Variants in FBXW4 observed in about 807,000 individuals in gnomAD.
FBXW4 encodes F-box and WD repeat domain containing 4.
In FBXW4, 40 loss-of-function variants were observed where a neutral mutation model predicts 61.8. The ratio of observed to expected loss-of-function variants is 0.65; its 90% CI spans 0.50 to 0.84. The LOEUF is 0.84. Ranked by LOEUF, FBXW4 falls within the 40% of genes least tolerant of loss-of-function variation. The probability of loss-of-function intolerance (pLI) is 0.00; values close to 1 mark genes in which losing one functional copy is unlikely to be tolerated. For synonymous variants in FBXW4, 311 were observed against 313.8 expected, an observed-to-expected ratio of 0.99 and a Z score of 0.10; for missense variants, 672 against 753.8, an observed-to-expected ratio of 0.89 and a Z score of 1.27.
chr10:101,635,700 G>A (rs1334351524), intron 5 of FBXW4, among the ~76,000 whole-genome samples: 2 of 152,096 alleles, frequency 1.3e-5, no homozygotes, highest in Non-Finnish European at 2.9e-5. Context: ...GCTGAGTGTG[G>A]TGGCATGCAC....
intron 6 of FBXW4, among the ~76,000 whole-genome samples, chr10:101,624,144 A>C (rs1200978489): frequency 6.6e-6 from 1 of 152,152 alleles, no homozygotes; most frequent in Non-Finnish European, 1.5e-5. Flanking sequence ...ATAAAGGTCC[A>C]TGGATGGTAC....
chr10:101,650,167 G>A (rs867482716), intron 5 of FBXW4, among the ~76,000 whole-genome samples: 3 of 152,202 alleles, frequency 2.0e-5, no homozygotes, highest in African/African-American at 7.2e-5. Flanking sequence ...ACAGAAGACA[G>A]CCTGCTCATT....
In FBXW4 at chr10:101,673,496, A is replaced by G; in HGVS notation, c.999T>C (p.Ser333=). Residue 333 remains serine (S), a synonymous_variant, in exon 3 of 9, where the codon AGT becomes AGC. Coordinates refer to ENST00000331272, the MANE Select transcript of FBXW4 (RefSeq NM_022039.4). ...AAACCTATAGCACTTACCCTCCTGCACTAACAATATGCGAGTTGGCCAGCA... is the reference window on the plus strand; with the variant it reads ...AAACCTATAGCACTTACCCTCCTGCGCTAACAATATGCGAGTTGGCCAGCA... ...HFVLANSHIV[S]AGGDGKIGIH... The G allele has an allele frequency of 6.2e-7, 1 of 1,614,004 alleles. No homozygotes were observed. Among genetic ancestry groups the G allele is most frequent in the Non-Finnish European group, 8.5e-7 (1 of 1,179,870 alleles).
chr10:101,666,152 C>T (rs1271231715), intron 5 of FBXW4, among the ~76,000 whole-genome samples: 1 of 152,170 alleles, frequency 6.6e-6, no homozygotes, highest in Non-Finnish European at 1.5e-5. Context: ...TTCCACTCTC[C>T]GCTCCCACAC....
At chr10:101,648,007 A>G (rs1265380816) in intron 5 of FBXW4, among the ~76,000 whole-genome samples, 1 of 152,216 alleles carries the variant, frequency 6.6e-6, no homozygotes, top group Non-Finnish European at 1.5e-5. Flanking sequence ...GCTGCCTCCT[A>G]TAGGTGCTCA....
intron 4 of FBXW4, among the ~76,000 whole-genome samples, chr10:101,669,618 GC>G (rs1230794788): frequency 3.9e-5 from 6 of 152,190 alleles, no homozygotes; most frequent in African/African-American, 1.4e-4. Context: ...TGGCCCAGCA[GC>G]ACATCACCCT....
chr10:101,621,794 A>C (rs1170718456), intron 6 of FBXW4, among the ~76,000 whole-genome samples: 1 of 152,212 alleles, frequency 6.6e-6, no homozygotes. Flanking sequence ...TACTATGTTA[A>C]TGAGAAACAA....
chr10:101,647,028 C>A (rs954628536), intron 5 of FBXW4, among the ~76,000 whole-genome samples: 6 of 152,148 alleles, frequency 3.9e-5, no homozygotes, highest in Non-Finnish European at 8.8e-5. Flanking sequence ...AGCGATACCA[C>A]AAAACTCTAG....
intron 5 of FBXW4, among the ~76,000 whole-genome samples, chr10:101,633,004 C>T (rs528712952): frequency 2.8e-4 from 42 of 152,272 alleles, no homozygotes; most frequent in African/African-American, 9.9e-4. Context: ...ATGTTGCATA[C>T]AACAGTAGAA....
intron 6 of FBXW4, among the ~76,000 whole-genome samples, chr10:101,618,946 T>G (rs1290938549): frequency 2.0e-5 from 3 of 151,752 alleles, no homozygotes; most frequent in African/African-American, 7.3e-5. Flanking sequence ...GTATTTGTGA[T>G]GTCAGGCCAG....
chr10:101,636,199 A>G (rs1055336252), intron 5 of FBXW4, among the ~76,000 whole-genome samples: 5 of 151,978 alleles, frequency 3.3e-5, no homozygotes, highest in Non-Finnish European at 4.4e-5. Flanking sequence ...AAAATACAAA[A>G]AAAGAAAATT....
intron 1 of FBXW4, among the ~76,000 whole-genome samples, chr10:101,678,233 A>G (rs935754342): frequency 1.3e-5 from 2 of 152,242 alleles, no homozygotes; most frequent in South Asian, 4.1e-4. Context: ...AGCCCCTTAC[A>G]GAGTACGCCT....
Position 101,695,026 on chromosome 10 carries a change from T to A in FBXW4, c.80A>T (p.Gln27Leu). ...EGEGGEARKL[Q>L]EGRVARGKRR... is the part of the protein sequence containing the mutation. ...CTTCCCCCTCGCCACCCTCCCTTCC[T>A]GCAGCTTCCTCGCCTCTCCGCCCTC... Residue 27 changes from glutamine to leucine, a missense_variant, in exon 1 of 9, where the codon CAG becomes CTG. Around this residue, in one of 5 missense-constraint regions of FBXW4, gnomAD observed 38 missense variants for 43.3 expected, o/e 0.88. Coordinates refer to ENST00000331272, the MANE Select transcript of FBXW4 (RefSeq NM_022039.4). This position sits in a 1 kb window ranked among gnomAD's most constrained non-coding sequence, Gnocchi z 4.2. 2 of 1,030,618 alleles carry A rather than the reference T, an allele frequency of 1.9e-6. No homozygotes were observed. The highest frequency in any genetic ancestry group is 2.3e-6 in the Non-Finnish European group (2 of 859,186). The allele number at this position is 1,030,618 out of a possible 1,614,324, so 63.8% of individuals were successfully genotyped here. A position where few individuals can be genotyped will look rare whatever the true frequency, so the allele number is the denominator to read the frequency against.
At chr10:101,621,565 T>C (rs1319405129) in intron 6 of FBXW4, among the ~76,000 whole-genome samples, 1 of 152,026 alleles carries the variant, frequency 6.6e-6, no homozygotes, top group Non-Finnish European at 1.5e-5. Flanking sequence ...TCCGAGGTAC[T>C]AGTTTGGGTG....
At chr10:101,659,880 T>G (rs1444322962) in intron 5 of FBXW4, among the ~76,000 whole-genome samples, 1 of 152,222 alleles carries the variant, frequency 6.6e-6, no homozygotes, top group African/African-American at 2.4e-5. Flanking sequence ...CCCATTTATT[T>G]TATTACTTCT....
intron 5 of FBXW4, among the ~76,000 whole-genome samples, chr10:101,651,196 GC>G (rs747713986): frequency 6.6e-6 from 1 of 152,084 alleles, no homozygotes; most frequent in Admixed American, 6.5e-5. Context: ...TTCCCCCCAG[GC>G]CCCAGCTCTG....
chr10:101,654,301 T>C (rs184359830), intron 5 of FBXW4, among the ~76,000 whole-genome samples: 1 of 152,234 alleles, frequency 6.6e-6, no homozygotes, highest in Non-Finnish European at 1.5e-5. Context: ...ATTGTGGTGA[T>C]AGTTGCACAA....
chr10:101,678,762 C>T (rs996875771), intron 1 of FBXW4, among the ~76,000 whole-genome samples: 4 of 152,226 alleles, frequency 2.6e-5, no homozygotes, highest in African/African-American at 4.8e-5. Context: ...CTACTTATAC[C>T]GTCACATTTG....
chr10:101,654,510 T>G (rs532846252), intron 5 of FBXW4, among the ~76,000 whole-genome samples: 6 of 152,270 alleles, frequency 3.9e-5, no homozygotes, highest in Non-Finnish European at 2.9e-5. Flanking sequence ...GATATTAAAA[T>G]AGACATTTAA....
Sources: gnomAD v4.1 joint callset for allele counts (sites outside exome capture counted in the v4.1 genomes callset) on GRCh38, gnomAD v4.1.1 for gene constraint, gnomAD v4.1.1 regional missense constraint, Gnocchi (gnomAD v3.1) non-coding constraint, MANE v1.5 for transcripts, NCBI Gene and HGNC (gene_info 2026-07-23, HGNC 2026-07-21) for gene names.